Variants in SGK3 observed in about 807,000 individuals in gnomAD.
SGK3 encodes the protein serum/glucocorticoid regulated kinase family member 3, also known as serine/threonine-protein kinase Sgk3.
In SGK3, 47 loss-of-function variants were observed where a neutral mutation model predicts 68.5. The observed-to-expected ratio is 0.69, with a 90% CI of 0.54 to 0.87. The LOEUF is 0.87. Among genes scored for constraint, SGK3 ranks in the 40% least tolerant of loss-of-function variants. The pLI, the probability that SGK3 is intolerant of heterozygous loss-of-function variation, is 0.00. For missense variants in SGK3, 479 were observed against 575.5 expected, an observed-to-expected ratio of 0.83 and a Z score of 1.72; for synonymous variants, 181 against 189.1, an observed-to-expected ratio of 0.96 and a Z score of 0.35.
chr8:66,730,108 C>G (rs944329842), intron 1 of SGK3, among the ~76,000 whole-genome samples: 3 of 152,150 alleles, frequency 2.0e-5, no homozygotes, highest in Non-Finnish European at 4.4e-5. Flanking sequence ...TCACATTTCT[C>G]TACATCCTCA....
chr8:66,716,435 TC>T (rs1020306090), intron 1 of SGK3, among the ~76,000 whole-genome samples: 1 of 152,090 alleles, frequency 6.6e-6, no homozygotes, highest in African/African-American at 2.4e-5. Context: ...GTGTGCAGTA[TC>T]CTTGCCTTTG....
intron 5 of SGK3, among the ~76,000 whole-genome samples, chr8:66,821,879 A>T (rs1021438603): frequency 6.6e-6 from 1 of 152,070 alleles, no homozygotes; most frequent in Non-Finnish European, 1.5e-5. Context: ...TTCTGGGCCC[A>T]GGGAAAATAC....
chr8:66,811,348 G>A (rs1808375741), intron 4 of SGK3, among the ~76,000 whole-genome samples: 1 of 152,058 alleles, frequency 6.6e-6, no homozygotes, highest in Non-Finnish European at 1.5e-5. Flanking sequence ...AATTTCCTTT[G>A]AATTCCAGCA....
intron 13 of SGK3, among the ~76,000 whole-genome samples, chr8:66,841,774 T>C (rs1302325942): frequency 6.6e-6 from 1 of 152,190 alleles, no homozygotes; most frequent in Non-Finnish European, 1.5e-5. Context: ...TATCAGAACA[T>C]CCCATTTTCT....
intron 1 of SGK3, among the ~76,000 whole-genome samples, chr8:66,773,827 T>G (rs374757910): frequency 6.6e-6 from 1 of 152,230 alleles, no homozygotes; most frequent in East Asian, 1.9e-4. Context: ...AGCACACCAT[T>G]TAAAACTCGT....
intron 1 of SGK3, among the ~76,000 whole-genome samples, chr8:66,786,978 C>G (rs1317920739): frequency 1.4e-5 from 2 of 138,606 alleles, no homozygotes; most frequent in Non-Finnish European, 3.0e-5. Context: ...CACTCTGTAA[C>G]CCAGGCTGGA....
intron 1 of SGK3, among the ~76,000 whole-genome samples, chr8:66,761,017 C>CAA (rs763544342): frequency 1.0e-4 from 8 of 79,544 alleles, no homozygotes; most frequent in Non-Finnish European, 1.5e-4. Flanking sequence ...AACTCTGTCT[C>CAA]AAAAAAAAAA....
At chr8:66,741,504 C>T (rs548858027) in intron 1 of SGK3, among the ~76,000 whole-genome samples, 10 of 151,860 alleles carry the variant, frequency 6.6e-5, no homozygotes, top group African/African-American at 1.9e-4. Context: ...GAGCTGAGAT[C>T]GCACCGCTGC....
intron 5 of SGK3, among the ~76,000 whole-genome samples, chr8:66,821,517 A>T (rs995297117): frequency 1.4e-5 from 2 of 144,060 alleles, no homozygotes; most frequent in South Asian, 2.2e-4. Context: ...CCTGCACATA[A>T]TTTTTTTTTT....
At chr8:66,773,548 T>C (rs1018814202) in intron 1 of SGK3, among the ~76,000 whole-genome samples, 3 of 152,182 alleles carry the variant, frequency 2.0e-5, no homozygotes, top group African/African-American at 7.2e-5. Flanking sequence ...AGTAAGAGAT[T>C]AACTACCATA....
chr8:66,761,201 C>T (rs1248803442), intron 1 of SGK3, among the ~76,000 whole-genome samples: 1 of 152,100 alleles, frequency 6.6e-6, no homozygotes, highest in African/African-American at 2.4e-5. Flanking sequence ...AAACTCCTGG[C>T]CTCAAGCAAT....
At chr8:66,729,175 C>T (rs1201699652) in intron 1 of SGK3, among the ~76,000 whole-genome samples, 1 of 146,518 alleles carries the variant, frequency 6.8e-6, no homozygotes, top group African/African-American at 2.5e-5. Flanking sequence ...GCCGAGATCG[C>T]GCCTCTGCAC....
Position 66,859,396 on chromosome 8 carries a change from CT to C in SGK3, c.1321-11del, listed in dbSNP as rs1810669439. On this transcript the variant is annotated splice_polypyrimidine_tract_variant and intron_variant, in intron 16 of 16. Transcript: ENST00000521198. ...AAAAGCTAAGGTGAATAATACTGTG[CT>C]TTTGATGTTTTAGGCTGGACCAGAT... is the stretch of plus-strand genomic sequence containing the variant. The C allele has an allele frequency of 6.3e-7, 1 of 1,583,804 alleles. No homozygotes were observed. The highest frequency in any genetic ancestry group is 1.7e-5 in the Admixed American group (1 of 58,836).
intron 5 of SGK3, among the ~76,000 whole-genome samples, chr8:66,820,953 G>A (rs1006605608): frequency 3.3e-5 from 5 of 152,010 alleles, no homozygotes; most frequent in African/African-American, 9.7e-5. Flanking sequence ...TTATCCTTCC[G>A]CTTCAGCCTC....
At position 66,786,984 on chromosome 8, in the gene SGK3, C is replaced by T. The variant is rs371996707; in HGVS notation, c.-121-6632C>T. On this transcript the variant is annotated intron_variant, in intron 1 of 16. Coordinates refer to ENST00000521198, the MANE Select transcript of SGK3 (RefSeq NM_001033578.3). ...ATGGAGTGTCACTCTGTAACCCAGG[C>T]TGGAGTGCAGTAGCACCATCTTGGC... Among the ~76,000 whole-genome samples the T allele has an allele frequency of 2.4e-4, 27 of 114,416 alleles. No homozygotes were observed. In the East Asian group the frequency reaches 5.4e-3, roughly 23 times the overall value. The allele number at this position is 114,416 out of a possible 152,430, so 75.1% of individuals were successfully genotyped here.
chr8:66,800,883 G>A (rs904846295), intron 3 of SGK3, among the ~76,000 whole-genome samples: 1 of 152,144 alleles, frequency 6.6e-6, no homozygotes, highest in African/African-American at 2.4e-5. Flanking sequence ...TACTTTGGAG[G>A]CTGTGGTAGG....
intron 1 of SGK3, among the ~76,000 whole-genome samples, chr8:66,759,252 A>AT (rs1351110767): frequency 1.3e-5 from 2 of 150,260 alleles, no homozygotes; most frequent in Non-Finnish European, 3.0e-5. Context: ...TACCCAGCTA[A>AT]TTTTTTATTT....
chr8:66,798,475 A>T, intron 2 of SGK3, 67 bp from the exon 3 acceptor site: 1 of 1,421,334 alleles, frequency 7.0e-7, no homozygotes, highest in Non-Finnish European at 9.6e-7. Flanking sequence ...GGTTTCATGT[A>T]TTTAAGTAGC....
chr8:66,843,781 G>A (rs112414595), intron 14 of SGK3, among the ~76,000 whole-genome samples: 4,927 of 152,182 alleles, frequency 0.032, 130 homozygotes, highest in African/African-American at 0.055. Context: ...ATCACTTGAG[G>A]CCAGGAGTTC....
Sources: gnomAD v4.1 joint callset for allele counts (sites outside exome capture counted in the v4.1 genomes callset) on GRCh38, gnomAD v4.1.1 for gene constraint, MANE v1.5 for transcripts, NCBI Gene and HGNC (gene_info 2026-07-23, HGNC 2026-07-21) for gene names.